Variants in EYS observed in about 807,000 individuals in gnomAD.
The protein encoded by EYS is EGF-like photoreceptor maintenance factor.
In EYS, 250 loss-of-function variants were observed where a neutral mutation model predicts 282.1. The observed-to-expected ratio is 0.89, with a 90% CI of 0.80 to 0.98. The LOEUF is 0.98. Ranked by LOEUF, EYS falls within the 50% of genes least tolerant of loss-of-function variation. The pLI, the probability that EYS is intolerant of heterozygous loss-of-function variation, is 0.00. For synonymous variants in EYS, 1,355 were observed against 1,282.9 expected, an observed-to-expected ratio of 1.06 and a Z score of -1.20; for missense variants, 4,016 against 3,709.0, an observed-to-expected ratio of 1.08 and a Z score of -2.15.
At chr6:64,408,717 G>A (rs1405442035) in intron 28 of EYS, among the ~76,000 whole-genome samples, 1 of 152,106 alleles carries the variant, frequency 6.6e-6, no homozygotes, top group Non-Finnish European at 1.5e-5. Context: ...ACAGAGAATT[G>A]GTAAACTCTG....
At chr6:64,875,534 C>T (rs1267321486) in intron 19 of EYS, among the ~76,000 whole-genome samples, 3 of 152,104 alleles carry the variant, frequency 2.0e-5, no homozygotes, top group Admixed American at 6.6e-5. Flanking sequence ...GTAAAGTGCT[C>T]GCTGAGTCTT....
intron 31 of EYS, among the ~76,000 whole-genome samples, chr6:64,191,186 C>A (rs1690740001): frequency 6.6e-6 from 1 of 151,890 alleles, no homozygotes; most frequent in African/African-American, 2.4e-5. Flanking sequence ...GTTCTTAATG[C>A]ATTTTTGTCT....
chr6:64,267,813 G>A (rs1277895716), intron 30 of EYS, among the ~76,000 whole-genome samples: 1 of 151,986 alleles, frequency 6.6e-6, no homozygotes, highest in Admixed American at 6.6e-5. Context: ...ACAAAAGATT[G>A]CTCATCCCTA....
At chr6:63,880,084 A>G (rs1275428894) in intron 35 of EYS, among the ~76,000 whole-genome samples, 1 of 152,156 alleles carries the variant, frequency 6.6e-6, no homozygotes, top group African/African-American at 2.4e-5. Flanking sequence ...GAGCATGGTG[A>G]CGGTTAATAC....
At chr6:64,740,546 G>A (rs2149960584) in intron 22 of EYS, among the ~76,000 whole-genome samples, 1 of 152,154 alleles carries the variant, frequency 6.6e-6, no homozygotes, top group African/African-American at 2.4e-5. Flanking sequence ...ATTAAGCAGA[G>A]GAGAGACCAT....
At chr6:63,729,466 C>G (rs1768724102) in intron 41 of EYS, among the ~76,000 whole-genome samples, 2 of 150,340 alleles carry the variant, frequency 1.3e-5, no homozygotes, top group South Asian at 4.2e-4. Flanking sequence ...TACATTTAGG[C>G]CTTGAATCCA....
At chr6:64,485,374 A>G (rs1776550132) in intron 26 of EYS, among the ~76,000 whole-genome samples, 1 of 151,634 alleles carries the variant, frequency 6.6e-6, no homozygotes, top group Non-Finnish European at 1.5e-5. Context: ...CATTGAGGAT[A>G]ATTCTCCAAC....
At chr6:64,050,840 C>A (rs1395115741) in intron 33 of EYS, among the ~76,000 whole-genome samples, 1 of 152,194 alleles carries the variant, frequency 6.6e-6, no homozygotes, top group African/African-American at 2.4e-5. Context: ...TATGACTAAG[C>A]AACTTAAATA....
intron 13 of EYS, among the ~76,000 whole-genome samples, chr6:65,028,893 A>T (rs1420507670): frequency 6.6e-6 from 1 of 152,132 alleles, no homozygotes. Flanking sequence ...ATTTTCTGCT[A>T]TAAGGAAGAG....
chr6:65,335,993 A>C (rs1769973933), intron 10 of EYS, among the ~76,000 whole-genome samples: 1 of 151,632 alleles, frequency 6.6e-6, no homozygotes, highest in South Asian at 2.1e-4. Flanking sequence ...GTGTAAAAGT[A>C]TATAACACCT....
At position 64,353,672 on chromosome 6, in the gene EYS, T is replaced by TA. The variant is rs552330751; in HGVS notation, c.6078+35017dup. On this transcript the variant is annotated intron_variant, in intron 29 of 42. Transcript: ENST00000503581. The stretch of plus-strand genomic sequence containing the variant: ...TTAAATTATCAAACATTTAACAACT[T>TA]ACTAGAATTGCTTTGATCAGTTTCT... 5.3e-5 allele frequency among the ~76,000 whole-genome samples: 8 copies of TA among 151,746 alleles called. No homozygotes were observed. The South Asian group carries it at 1.7e-3, about 31-fold the overall frequency.
intron 12 of EYS, among the ~76,000 whole-genome samples, chr6:65,157,930 C>T (rs1316968507): frequency 6.6e-6 from 1 of 150,662 alleles, no homozygotes; most frequent in East Asian, 2.0e-4. Flanking sequence ...TTTTTTCTGG[C>T]AACCATAATC....
chr6:64,431,938 T>C (rs1463571069), intron 28 of EYS, among the ~76,000 whole-genome samples: 2 of 152,138 alleles, frequency 1.3e-5, no homozygotes, highest in Non-Finnish European at 2.9e-5. Context: ...TACATGTCAG[T>C]CTTCTAAAGT....
intron 16 of EYS, among the ~76,000 whole-genome samples, chr6:64,910,213 T>C (rs1263154520): frequency 6.6e-6 from 1 of 152,168 alleles, no homozygotes; most frequent in East Asian, 1.9e-4. Context: ...CTTGTGAGAA[T>C]TAAATTTGAT....
At chr6:64,653,084 A>G (rs957367646) in intron 22 of EYS, among the ~76,000 whole-genome samples, 1 of 135,436 alleles carries the variant, frequency 7.4e-6, no homozygotes, top group Non-Finnish European at 1.6e-5. Context: ...CTCTAATGCA[A>G]TCTGACTGGT....
intron 33 of EYS, among the ~76,000 whole-genome samples, chr6:64,037,391 A>C (rs1770173304): frequency 6.6e-6 from 1 of 152,228 alleles, no homozygotes; most frequent in African/African-American, 2.4e-5. Flanking sequence ...AAATAGTGCA[A>C]CAAATTTCAT....
intron 15 of EYS, among the ~76,000 whole-genome samples, chr6:64,938,009 A>C (rs1176145429): frequency 1.3e-5 from 2 of 151,654 alleles, no homozygotes; most frequent in African/African-American, 4.8e-5. Flanking sequence ...TAAGTCAAAC[A>C]AACCAGTCAC....
chr6:64,256,553 C>G (rs190895109), intron 30 of EYS, among the ~76,000 whole-genome samples: 34 of 152,018 alleles, frequency 2.2e-4, no homozygotes, highest in Admixed American at 1.1e-3. Context: ...TATTGCTAAG[C>G]TGCAGTGAAA....
At chr6:65,600,285 A>G (rs1765570937) in intron 2 of EYS, among the ~76,000 whole-genome samples, 1 of 151,958 alleles carries the variant, frequency 6.6e-6, no homozygotes, top group Non-Finnish European at 1.5e-5. Flanking sequence ...GACCTGTTGC[A>G]TTGCTAAGTA....
Sources: allele counts gnomAD v4.1 joint callset (sites outside exome capture counted in the v4.1 genomes callset), GRCh38; gene constraint gnomAD v4.1.1; transcripts MANE v1.5; gene names NCBI Gene and HGNC (gene_info 2026-07-23, HGNC 2026-07-21).